Variants in TMEM132B observed in about 807,000 individuals in gnomAD.
TMEM132B encodes transmembrane protein 132B.
Under a neutral mutation model 90.8 loss-of-function variants are expected in TMEM132B, and 18 were observed. The observed-to-expected ratio is 0.20, with a 90% confidence interval of 0.14 to 0.29. The LOEUF (loss-of-function observed/expected upper bound fraction) is 0.29. Ranked by LOEUF, TMEM132B falls within the 10% of genes least tolerant of loss-of-function variation. TMEM132B has a pLI of 1.00. For synonymous variants in TMEM132B, 504 were observed against 523.3 expected (o/e 0.96, Z 0.50); for missense variants, 1,096 against 1,326.8 (o/e 0.83, Z 2.70).
intron 2 of TMEM132B, among the ~76,000 whole-genome samples, chr12:125,393,042 G>T (rs918970679): frequency 1.7e-4 from 26 of 152,296 alleles, no homozygotes; most frequent in Admixed American, 5.2e-4. Flanking sequence ...GACCGTTTGC[G>T]ACTAGAAGCC....
chr12:125,389,014 A>G, intron 2 of TMEM132B, among the ~76,000 whole-genome samples: 1 of 10,316 alleles, frequency 9.7e-5, no homozygotes, highest in South Asian at 4.8e-3. Flanking sequence ...TATTTTCTGT[A>G]CACACACACA....
chr12:125,409,257 G>A (rs1434778268), intron 2 of TMEM132B, among the ~76,000 whole-genome samples: 1 of 152,188 alleles, frequency 6.6e-6, no homozygotes, highest in African/African-American at 2.4e-5. Flanking sequence ...TAGGCATCTG[G>A]TTTCTGGAGA....
chr12:125,519,365 C>A, intron 3 of TMEM132B, 74 bp from the exon 4 acceptor site: 1 of 1,416,628 alleles, frequency 7.1e-7, no homozygotes, highest in Non-Finnish European at 9.6e-7. Context: ...AAGAATGTGG[C>A]AATTTATTAC....
chr12:125,250,976 T>G (rs1266656220), intron 1 of TMEM132B, among the ~76,000 whole-genome samples: 1 of 152,256 alleles, frequency 6.6e-6, no homozygotes, highest in Non-Finnish European at 1.5e-5. Flanking sequence ...TTCAGTGCCC[T>G]GTTCTCCTTA....
chr12:125,403,824 T>TAGTG (rs1879386054), intron 2 of TMEM132B, among the ~76,000 whole-genome samples: 1 of 152,196 alleles, frequency 6.6e-6, no homozygotes, highest in South Asian at 2.1e-4. Context: ...ACTTCACCCT[T>TAGTG]AGTGACCAGC....
At chr12:125,333,092 C>T (rs979760642) in intron 1 of TMEM132B, among the ~76,000 whole-genome samples, 16 of 152,288 alleles carry the variant, frequency 1.1e-4, no homozygotes, top group East Asian at 5.8e-4. Flanking sequence ...CTGCGGGAGG[C>T]GCTGTCCCAG....
chr12:125,599,014 G>T lies in TMEM132B; in HGVS notation c.1437+15020G>T, dbSNP rs191029609. Among the ~76,000 whole-genome samples, 182 of 152,262 alleles carry T rather than the reference G, an allele frequency of 1.2e-3. 1 individual carries two copies. The highest frequency in any genetic ancestry group is 4.2e-3 in the African/African-American group (173 of 41,556). ...TGATCACAGTCATAATCAGCTTCAA[G>T]TCACATCTGTAGATCTTTGTAGTGA... On this transcript the variant is annotated intron_variant, in intron 5 of 8. Transcript: ENST00000682704.
At chr12:125,425,714 C>T (rs1880298695) in intron 3 of TMEM132B, among the ~76,000 whole-genome samples, 1 of 152,180 alleles carries the variant, frequency 6.6e-6, no homozygotes, top group Admixed American at 6.5e-5. Flanking sequence ...GTACTCTTTT[C>T]AGATTGGCTT....
intron 1 of TMEM132B, among the ~76,000 whole-genome samples, chr12:125,312,688 A>G (rs1004340580): frequency 6.6e-6 from 1 of 152,182 alleles, no homozygotes; most frequent in Non-Finnish European, 1.5e-5. Context: ...GAAATGTCTA[A>G]AATGTACTCA....
At chr12:125,465,629 C>T (rs575645238) in intron 3 of TMEM132B, among the ~76,000 whole-genome samples, 25 of 152,336 alleles carry the variant, frequency 1.6e-4, no homozygotes, top group Non-Finnish European at 2.2e-4. Flanking sequence ...GCCCCCTGGA[C>T]GGACAGCCTC....
At chr12:125,556,266 C>T (rs1188422939) in intron 4 of TMEM132B, among the ~76,000 whole-genome samples, 1 of 152,178 alleles carries the variant, frequency 6.6e-6, no homozygotes, top group East Asian at 1.9e-4. Flanking sequence ...TTTCGTTATC[C>T]TGACCTGAAC....
intron 3 of TMEM132B, among the ~76,000 whole-genome samples, chr12:125,464,201 T>G (rs906743764): frequency 1.3e-5 from 2 of 152,198 alleles, no homozygotes; most frequent in Non-Finnish European, 2.9e-5. Flanking sequence ...GAACTCTCTC[T>G]CAGCCAGGGG....
chr12:125,231,884 T>TC (rs5801589), intron 1 of TMEM132B, among the ~76,000 whole-genome samples: 35,295 of 149,550 alleles, frequency 0.24, 4,392 homozygotes, highest in South Asian at 0.38. Flanking sequence ...TTCTTTTGTG[T>TC]CCCCCCCCCA....
chr12:125,552,592 C>A (rs1270423862), intron 4 of TMEM132B, among the ~76,000 whole-genome samples: 1 of 152,180 alleles, frequency 6.6e-6, no homozygotes, highest in Admixed American at 6.5e-5. Flanking sequence ...ACTCCCGGGC[C>A]CCTCCCCATG....
rs942161136 is a variant in TMEM132B, at chr12:125,439,928, C to T, written c.1106+24251C>T. Among the ~76,000 whole-genome samples the T allele has an allele frequency of 6.6e-5, 10 of 152,104 alleles. No individual in the cohort carries two copies. The South Asian group carries it at 1.0e-3, about 16-fold the overall frequency. ...TTTTCCGCATCTATTGAGATAATCA[C>T]GTGGCTTTTGTCTTTAGTTCTATTT... On this transcript the variant is annotated intron_variant, in intron 3 of 8. Coordinates refer to ENST00000682704, the MANE Select transcript of TMEM132B (RefSeq NM_001366854.1).
At chr12:125,448,883 T>C (rs908056450) in intron 3 of TMEM132B, among the ~76,000 whole-genome samples, 1 of 152,122 alleles carries the variant, frequency 6.6e-6, no homozygotes, top group Admixed American at 6.5e-5. Context: ...TATAGGGGTA[T>C]CTTACTGTGA....
intron 3 of TMEM132B, among the ~76,000 whole-genome samples, chr12:125,511,426 A>G (rs1429027211): frequency 6.6e-6 from 1 of 152,152 alleles, no homozygotes; most frequent in Non-Finnish European, 1.5e-5. Flanking sequence ...GTAGAAATTT[A>G]CCAGAAACTC....
At chr12:125,627,137 C>T (rs557577829) in intron 5 of TMEM132B, among the ~76,000 whole-genome samples, 1 of 152,042 alleles carries the variant, frequency 6.6e-6, no homozygotes, top group Non-Finnish European at 1.5e-5. Flanking sequence ...CTAGAATTTC[C>T]ATTTTATTAT....
At chr12:125,193,163 C>A (rs978672130) in intron 1 of TMEM132B, among the ~76,000 whole-genome samples, 2 of 152,172 alleles carry the variant, frequency 1.3e-5, no homozygotes, top group Admixed American at 1.3e-4. Flanking sequence ...AGCCGTCTGC[C>A]AAGTGGTTTC....
Sources: allele counts gnomAD v4.1 joint callset (sites outside exome capture counted in the v4.1 genomes callset), GRCh38; gene constraint gnomAD v4.1.1; transcripts MANE v1.5; gene names NCBI Gene and HGNC (gene_info 2026-07-23, HGNC 2026-07-21).